Variants in GRIK3 observed in about 807,000 individuals in gnomAD.
GRIK3 encodes the protein glutamate ionotropic receptor kainate type subunit 3.
Under a neutral mutation model 102.5 loss-of-function variants are expected in GRIK3, and 29 were observed. That is an observed-to-expected ratio of 0.28 (90% CI 0.21 to 0.39). GRIK3 has a LOEUF of 0.39. GRIK3 is among the 10% of genes least tolerant of loss of function. The probability of loss-of-function intolerance (pLI) is 1.00; values close to 1 mark genes in which losing one functional copy is unlikely to be tolerated. For missense variants in GRIK3, 908 were observed against 1,252.4 expected, an observed-to-expected ratio of 0.73 and a Z score of 4.15; for synonymous variants, 511 against 504.9, an observed-to-expected ratio of 1.01 and a Z score of -0.16.
At chr1:37,009,165 G>C (rs141558563) in intron 1 of GRIK3, among the ~76,000 whole-genome samples, 332 of 152,358 alleles carry the variant, frequency 2.2e-3, no homozygotes, top group African/African-American at 7.6e-3. Flanking sequence ...ATGCCTGACA[G>C]ATGGTGAGCA....
At chr1:36,906,939 T>C (rs1207955926) in intron 1 of GRIK3, among the ~76,000 whole-genome samples, 5 of 152,246 alleles carry the variant, frequency 3.3e-5, no homozygotes, top group Non-Finnish European at 7.3e-5. Flanking sequence ...AAAAGATAAC[T>C]ATGTAAGATG....
intron 1 of GRIK3, among the ~76,000 whole-genome samples, chr1:37,032,068 T>A (rs927435052): frequency 1.3e-5 from 2 of 152,136 alleles, no homozygotes; most frequent in African/African-American, 4.8e-5. Flanking sequence ...ACGAAGAAGA[T>A]TAGAAGAGAG....
At chr1:36,813,032 A>C (rs1415902059) in intron 13 of GRIK3, among the ~76,000 whole-genome samples, 1 of 152,206 alleles carries the variant, frequency 6.6e-6, no homozygotes, top group Non-Finnish European at 1.5e-5. Context: ...TGGTCAACTG[A>C]CTGTGGCTTC....
intron 1 of GRIK3, among the ~76,000 whole-genome samples, chr1:36,925,838 C>T (rs1289583728): frequency 6.6e-6 from 1 of 152,206 alleles, no homozygotes; most frequent in Non-Finnish European, 1.5e-5. Flanking sequence ...GAACCTTGAA[C>T]ATTACCAATT....
chr1:36,858,722 C>T (rs753925329), intron 7 of GRIK3, among the ~76,000 whole-genome samples: 13 of 152,144 alleles, frequency 8.5e-5, no homozygotes, highest in African/African-American at 2.9e-4. Flanking sequence ...CACATGCCCA[C>T]GAGGTAGGTT....
chr1:36,917,960 G>A (rs1641421031), intron 1 of GRIK3, among the ~76,000 whole-genome samples: 1 of 152,232 alleles, frequency 6.6e-6, no homozygotes, highest in Non-Finnish European at 1.5e-5. Flanking sequence ...TTTATAAGGG[G>A]AGGCCAGCAG....
chr1:36,902,888 C>T (rs189784059), intron 1 of GRIK3, among the ~76,000 whole-genome samples: 28 of 152,086 alleles, frequency 1.8e-4, no homozygotes, highest in Non-Finnish European at 3.4e-4. Context: ...CTCCTGGGTT[C>T]GAGTGATTCT....
chr1:36,870,735 G>T (rs1304654862), intron 4 of GRIK3, among the ~76,000 whole-genome samples: 1 of 152,206 alleles, frequency 6.6e-6, no homozygotes, highest in Non-Finnish European at 1.5e-5. Flanking sequence ...CTGCCTGGAT[G>T]ACCTTGGGTC....
At chr1:36,849,390 C>A (rs1471826086) in intron 9 of GRIK3, among the ~76,000 whole-genome samples, 1 of 152,218 alleles carries the variant, frequency 6.6e-6, no homozygotes, top group East Asian at 1.9e-4. Flanking sequence ...ACGGGTTGAA[C>A]TCCCTTTTGT....
intron 1 of GRIK3, among the ~76,000 whole-genome samples, chr1:36,950,180 T>C (rs1641829613): frequency 6.6e-6 from 1 of 152,158 alleles, no homozygotes; most frequent in South Asian, 2.1e-4. Flanking sequence ...GTCCTAGAAG[T>C]GTAGAAATTG....
intron 7 of GRIK3, among the ~76,000 whole-genome samples, chr1:36,854,793 T>C (rs1031659888): frequency 6.6e-6 from 1 of 152,176 alleles, no homozygotes; most frequent in South Asian, 2.1e-4. Flanking sequence ...CCTTTCACAC[T>C]GTTCATGCCG....
intron 13 of GRIK3, among the ~76,000 whole-genome samples, chr1:36,815,712 C>T (rs891170641): frequency 1.3e-5 from 2 of 152,164 alleles, no homozygotes; most frequent in African/African-American, 4.8e-5. Flanking sequence ...TCTAGACCTC[C>T]TGAGTCAGAA....
At position 36,959,756 on chromosome 1, in the gene GRIK3, TCTGTGTGCCCTGTGAGC is replaced by T. The variant is rs746566654; in HGVS notation, c.116-68677_116-68661del. On this transcript the variant is annotated intron_variant, in intron 1 of 15. Transcript: ENST00000373091. ...CCATGAGTCTGTGCGCCCCATTGAG[TCTGTGTGCCCTGTGAGC>T]CTGTGTGCCCTGTGAGCCTGTGTAC... is the stretch of plus-strand genomic sequence containing the variant. Among the ~76,000 whole-genome samples, 114 of 99,104 alleles carry T rather than the reference TCTGTGTGCCCTGTGAGC, an allele frequency of 1.2e-3. 8 individuals carry two copies. The highest frequency in any genetic ancestry group is 8.1e-3 in the Middle Eastern group (1 of 124). 65.0% of individuals were successfully genotyped at this position (99,104 alleles called of 152,430 possible). A position where few individuals can be genotyped will look rare whatever the true frequency, so the allele number is the denominator to read the frequency against.
At chr1:36,854,692 A>G (rs1640630132) in intron 7 of GRIK3, among the ~76,000 whole-genome samples, 1 of 152,102 alleles carries the variant, frequency 6.6e-6, no homozygotes. Context: ...AATCTAAACT[A>G]TTTTCTATGA....
chr1:36,956,454 C>A (rs181243036), intron 1 of GRIK3, among the ~76,000 whole-genome samples: 8 of 152,330 alleles, frequency 5.3e-5, no homozygotes, highest in Non-Finnish European at 1.0e-4. Flanking sequence ...GCATGCCCAC[C>A]GGAGAGGGAA....
At chr1:36,828,805 G>A (rs1363774249) in intron 10 of GRIK3, among the ~76,000 whole-genome samples, 1 of 152,174 alleles carries the variant, frequency 6.6e-6, no homozygotes, top group Non-Finnish European at 1.5e-5. Context: ...ACTTTTGATG[G>A]CAAGTTGGAT....
At chr1:36,943,065 T>C (rs1362249918) in intron 1 of GRIK3, among the ~76,000 whole-genome samples, 1 of 152,138 alleles carries the variant, frequency 6.6e-6, no homozygotes, top group East Asian at 1.9e-4. Context: ...CCCCATGACA[T>C]AAGGATGACT....
chr1:36,842,976 C>T (rs1640477980), intron 9 of GRIK3, among the ~76,000 whole-genome samples: 1 of 152,082 alleles, frequency 6.6e-6, no homozygotes, highest in Non-Finnish European at 1.5e-5. Context: ...TGTCCCATGC[C>T]AGACCCCCCA....
intron 1 of GRIK3, among the ~76,000 whole-genome samples, chr1:36,977,333 A>G (rs978229634): frequency 6.6e-6 from 1 of 152,190 alleles, no homozygotes; most frequent in Non-Finnish European, 1.5e-5. Context: ...AAGATGCACT[A>G]TTATACTAAA....
Sources: allele counts gnomAD v4.1 joint callset (sites outside exome capture counted in the v4.1 genomes callset), GRCh38; gene constraint gnomAD v4.1.1; transcripts MANE v1.5; gene names NCBI Gene and HGNC (gene_info 2026-07-23, HGNC 2026-07-21).